Variants in PPM1L observed in about 807,000 individuals in gnomAD.
The protein encoded by PPM1L is protein phosphatase 1L.
A neutral mutation model predicts 31.4 loss-of-function variants in PPM1L; 13 were observed. That is an observed-to-expected ratio of 0.41 (90% CI 0.27 to 0.66). The LOEUF (loss-of-function observed/expected upper bound fraction) is 0.66, where lower values mean the gene tolerates loss of function less well. Ranked by LOEUF, PPM1L falls within the 30% of genes least tolerant of loss-of-function variation. The probability of loss-of-function intolerance (pLI) is 0.29; values close to 1 mark genes in which losing one functional copy is unlikely to be tolerated. For missense variants in PPM1L, 326 were observed against 453.7 expected (o/e 0.72, Z 2.56); for synonymous variants, 184 against 175.4 (o/e 1.05, Z -0.39).
At chr3:160,958,251 G>GT (rs749646139) in intron 1 of PPM1L, among the ~76,000 whole-genome samples, 1 of 152,092 alleles carries the variant, frequency 6.6e-6, no homozygotes, top group Non-Finnish European at 1.5e-5. Flanking sequence ...GTCCTGAATG[G>GT]TGTTGCCTAG....
chr3:160,853,134 T>G (rs1259670181), intron 1 of PPM1L, among the ~76,000 whole-genome samples: 1 of 152,198 alleles, frequency 6.6e-6, no homozygotes, highest in Non-Finnish European at 1.5e-5. Flanking sequence ...CCTCCTCTTT[T>G]GTCTGAAAAC....
chr3:160,872,856 G>A (rs747235811), intron 1 of PPM1L, among the ~76,000 whole-genome samples: 2 of 152,138 alleles, frequency 1.3e-5, no homozygotes, highest in Non-Finnish European at 2.9e-5. Flanking sequence ...GAACCCCGGA[G>A]GCAGAGCTTG....
chr3:160,946,283 A>G (rs938617111), intron 1 of PPM1L, among the ~76,000 whole-genome samples: 1 of 152,162 alleles, frequency 6.6e-6, no homozygotes, highest in Non-Finnish European at 1.5e-5. Flanking sequence ...GTTTGCAAGG[A>G]CACATCTACA....
At chr3:160,857,295 A>G (rs1015551387) in intron 1 of PPM1L, among the ~76,000 whole-genome samples, 47 of 152,106 alleles carry the variant, frequency 3.1e-4, no homozygotes, top group Non-Finnish European at 2.2e-4. Flanking sequence ...AACACATTTT[A>G]TCTTTAGCCT....
chr3:160,989,165 A>G (rs1717053242), intron 2 of PPM1L, among the ~76,000 whole-genome samples: 1 of 152,194 alleles, frequency 6.6e-6, no homozygotes, highest in Non-Finnish European at 1.5e-5. Flanking sequence ...TTTCCTATTA[A>G]TATTTCTTAA....
At chr3:161,000,640 G>A (rs1717451940) in intron 2 of PPM1L, among the ~76,000 whole-genome samples, 1 of 152,120 alleles carries the variant, frequency 6.6e-6, no homozygotes, top group Non-Finnish European at 1.5e-5. Flanking sequence ...TCACATTTGT[G>A]ACTTATTTAT....
intron 2 of PPM1L, among the ~76,000 whole-genome samples, chr3:161,046,590 G>A (rs1478543057): frequency 1.3e-5 from 2 of 152,174 alleles, no homozygotes; most frequent in Non-Finnish European, 2.9e-5. Flanking sequence ...CTCATTTTAT[G>A]AGGCCAGCAT....
In PPM1L at chr3:160,919,955, C is replaced by T. The variant is rs141899448; in HGVS notation, c.400-41781C>T. Among the ~76,000 whole-genome samples, 484 of 152,186 alleles carry T rather than the reference C, an allele frequency of 3.2e-3. 3 individuals carry two copies. The highest frequency in any genetic ancestry group is 0.011 in the African/African-American group (454 of 41,502). ...TTGGGATTCCTTCCCCAGCTTTCTC[C>T]CCACAATGCCCTCTCCCCTGCAACA... On this transcript the variant is annotated intron_variant, in intron 1 of 3. Coordinates refer to ENST00000498165, the MANE Select transcript of PPM1L (RefSeq NM_139245.4).
At chr3:160,959,964 A>C (rs1021950826) in intron 1 of PPM1L, among the ~76,000 whole-genome samples, 8 of 152,174 alleles carry the variant, frequency 5.3e-5, no homozygotes, top group African/African-American at 1.9e-4. Context: ...GCTCATATAT[A>C]TGTATATATA....
intron 2 of PPM1L, among the ~76,000 whole-genome samples, chr3:161,038,585 T>TAAAAAAAAAAAAA: frequency 9.0e-6 from 1 of 110,584 alleles, no homozygotes; most frequent in Non-Finnish European, 1.9e-5. Flanking sequence ...GGATTTGTTT[T>TAAAAAAAAAAAAA]AAAAAAAAAA....
At chr3:160,832,370 AGGTGATAGCCTGAGGACAG>A (rs1400787724) in intron 1 of PPM1L, among the ~76,000 whole-genome samples, 2,871 of 152,116 alleles carry the variant, frequency 0.019, 95 homozygotes, top group African/African-American at 0.066. Context: ...TTCTAGGTGG[AGGTGATAGCCTGAGGACAG>A]GCATGGAGCT....
At chr3:160,769,296 T>G (rs954840600) in intron 1 of PPM1L, among the ~76,000 whole-genome samples, 11 of 152,228 alleles carry the variant, frequency 7.2e-5, no homozygotes, top group Admixed American at 3.3e-4. Flanking sequence ...TGTTGCTTGT[T>G]CTGCACGTTA....
rs548895651 is a variant in PPM1L at position 161,015,596 on chromosome 3, A to G, written c.575-49807A>G. Among the ~76,000 whole-genome samples, 119 of 152,332 alleles carry G rather than the reference A, an allele frequency of 7.8e-4. 1 individual carries two copies. Among genetic ancestry groups the G allele is most frequent in the Non-Finnish European group, 2.8e-4 (19 of 68,026 alleles). ...AAGGCTTTCCTGTGGCACACAGCCGAGATAGGTCTGGGCCCTTCTGTTTCA... is the reference window on the plus strand; with the variant it reads ...AAGGCTTTCCTGTGGCACACAGCCGGGATAGGTCTGGGCCCTTCTGTTTCA... On this transcript the variant is annotated intron_variant, in intron 2 of 3. Transcript: ENST00000498165.
intron 2 of PPM1L, among the ~76,000 whole-genome samples, chr3:161,065,029 G>T (rs1719683202): frequency 2.0e-5 from 3 of 151,776 alleles, no homozygotes; most frequent in Admixed American, 1.3e-4. Flanking sequence ...TTCCAACTGG[G>T]ACTTCACAGA....
chr3:160,863,536 A>G (rs958066134), intron 1 of PPM1L, among the ~76,000 whole-genome samples: 1 of 152,212 alleles, frequency 6.6e-6, no homozygotes, highest in Non-Finnish European at 1.5e-5. Context: ...TGACTTTCTC[A>G]TGAAAGCTCC....
At chr3:160,974,594 G>C (rs1381277805) in intron 2 of PPM1L, among the ~76,000 whole-genome samples, 8 of 151,570 alleles carry the variant, frequency 5.3e-5, no homozygotes, top group African/African-American at 1.9e-4. Flanking sequence ...TCTCATTGTG[G>C]TTTTGATTTG....
chr3:160,856,360 G>A (rs2108117211), intron 1 of PPM1L, among the ~76,000 whole-genome samples: 1 of 152,316 alleles, frequency 6.6e-6, no homozygotes, highest in East Asian at 1.9e-4. Context: ...GCATTCATAT[G>A]TTAATCACAG....
intron 2 of PPM1L, among the ~76,000 whole-genome samples, chr3:161,046,937 T>C (rs1291190393): frequency 6.6e-6 from 1 of 152,108 alleles, no homozygotes; most frequent in African/African-American, 2.4e-5. Flanking sequence ...ATGGGACGTA[T>C]CTCAAAATAA....
intron 2 of PPM1L, among the ~76,000 whole-genome samples, chr3:160,986,133 G>A (rs966531041): frequency 1.3e-5 from 2 of 152,204 alleles, no homozygotes; most frequent in African/African-American, 4.8e-5. Flanking sequence ...GTCTCAGTGA[G>A]AGTTCAGGCT....
Sources: allele counts gnomAD v4.1 joint callset (sites outside exome capture counted in the v4.1 genomes callset), GRCh38; gene constraint gnomAD v4.1.1; transcripts MANE v1.5; gene names NCBI Gene and HGNC (gene_info 2026-07-23, HGNC 2026-07-21).